Variants in PCDH9 observed in about 807,000 individuals in gnomAD.
PCDH9 encodes the protein protocadherin 9, also known as protocadherin-9.
In PCDH9, 24 loss-of-function variants were observed where a neutral mutation model predicts 70.6. That is an observed-to-expected ratio of 0.34 (90% CI 0.25 to 0.48). PCDH9 has a LOEUF of 0.48. PCDH9 is among the 20% of genes least tolerant of loss of function. The pLI, the probability that PCDH9 is intolerant of heterozygous loss-of-function variation, is 0.99. For synonymous variants in PCDH9, 562 were observed against 558.5 expected (o/e 1.01, Z -0.09); for missense variants, 1,281 against 1,503.6 (o/e 0.85, Z 2.45).
At chr13:66,446,966 A>G (rs920739546) in intron 4 of PCDH9, among the ~76,000 whole-genome samples, 6 of 152,076 alleles carry the variant, frequency 3.9e-5, no homozygotes, top group Non-Finnish European at 8.8e-5. Flanking sequence ...CTTTAAAATG[A>G]TAACTTTAAC....
At chr13:67,079,303 T>G (rs1456564380) in intron 2 of PCDH9, among the ~76,000 whole-genome samples, 1 of 152,128 alleles carries the variant, frequency 6.6e-6, no homozygotes, top group Admixed American at 6.5e-5. Context: ...AATCTATAAT[T>G]ATCTACCACT....
At chr13:67,140,910 G>C (rs971290125) in intron 2 of PCDH9, among the ~76,000 whole-genome samples, 1 of 151,918 alleles carries the variant, frequency 6.6e-6, no homozygotes, top group Admixed American at 6.6e-5. Flanking sequence ...TTCTTTCCTC[G>C]GTCAGTTTTA....
chr13:66,365,020 T>C (rs542344994), intron 4 of PCDH9, among the ~76,000 whole-genome samples: 2 of 152,324 alleles, frequency 1.3e-5, no homozygotes, highest in South Asian at 2.1e-4. Context: ...TCCTCAGAAA[T>C]ATTTTTATGA....
chr13:66,723,688 G>A (rs1379612736), intron 3 of PCDH9, among the ~76,000 whole-genome samples: 1 of 152,160 alleles, frequency 6.6e-6, no homozygotes, highest in African/African-American at 2.4e-5. Flanking sequence ...GGTAAAAGAG[G>A]TTGGGTAACA....
At chr13:66,649,838 G>C (rs950799123) in intron 3 of PCDH9, among the ~76,000 whole-genome samples, 3 of 151,836 alleles carry the variant, frequency 2.0e-5, no homozygotes, top group African/African-American at 7.3e-5. Flanking sequence ...TTAAAGTGTA[G>C]AGTTTTTATT....
At chr13:67,168,910 G>A (rs185871765) in intron 2 of PCDH9, among the ~76,000 whole-genome samples, 3 of 152,170 alleles carry the variant, frequency 2.0e-5, no homozygotes, top group East Asian at 1.9e-4. Context: ...TTTGAATGAC[G>A]GTATGTCACA....
At chr13:66,676,742 T>A (rs2139050103) in intron 3 of PCDH9, among the ~76,000 whole-genome samples, 1 of 152,236 alleles carries the variant, frequency 6.6e-6, no homozygotes, top group East Asian at 1.9e-4. Context: ...TAAATTCAAT[T>A]GTGTATTTAA....
At chr13:66,896,085 C>A (rs868503686) in intron 3 of PCDH9, among the ~76,000 whole-genome samples, 18 of 152,144 alleles carry the variant, frequency 1.2e-4, no homozygotes, top group African/African-American at 4.1e-4. Context: ...AAATGCGGCT[C>A]TTCCTGTGAA....
At chr13:66,585,070 G>A (rs936510461) in intron 4 of PCDH9, among the ~76,000 whole-genome samples, 2 of 151,918 alleles carry the variant, frequency 1.3e-5, no homozygotes, top group African/African-American at 4.8e-5. Flanking sequence ...AGGGACTGAG[G>A]TATGGGGGTT....
At position 67,027,788 on chromosome 13, in the gene PCDH9, C is replaced by T. The variant is rs1246657871; in HGVS notation, c.3037-124183G>A. Reference sequence around the variant, plus strand: ...TGAACAGACACTTCTCAAAAGAAGACATTTATGCAGCCAAAAGACACATGA... The same window carrying T: ...TGAACAGACACTTCTCAAAAGAAGATATTTATGCAGCCAAAAGACACATGA... On this transcript the variant is annotated intron_variant, in intron 2 of 4. Coordinates refer to ENST00000377865, the MANE Select transcript of PCDH9 (RefSeq NM_203487.3). Among the ~76,000 whole-genome samples, 7 of 150,274 alleles carry T rather than the reference C, an allele frequency of 4.7e-5. No individual in the cohort carries two copies. In the South Asian group the frequency reaches 1.3e-3, roughly 28 times the overall value.
At chr13:66,541,313 A>G (rs1352616330) in intron 4 of PCDH9, among the ~76,000 whole-genome samples, 1 of 152,164 alleles carries the variant, frequency 6.6e-6, no homozygotes, top group Non-Finnish European at 1.5e-5. Context: ...AGAAACCTCC[A>G]GGTGTTAAGA....
intron 2 of PCDH9, chr13:67,216,253 A>G (rs746499306): frequency 6.6e-6 from 1 of 152,108 alleles, no homozygotes; most frequent in Non-Finnish European, 1.5e-5. Context: ...CAATCAATGA[A>G]TTCAACATAT....
rs565871428 is a variant in PCDH9, at chr13:66,628,839, G to A, written c.3340+2371C>T. On this transcript the variant is annotated intron_variant, in intron 4 of 4. Coordinates refer to ENST00000377865, the MANE Select transcript of PCDH9 (RefSeq NM_203487.3). ...ATAACATAATTTTGCAATTTTTCCT[G>A]TACTCAGATACTTCTCAGTTGGCCC... Among the ~76,000 whole-genome samples the A allele has an allele frequency of 8.5e-5, 13 of 152,234 alleles. No individual in the cohort carries two copies. In the South Asian group the frequency reaches 2.3e-3, roughly 27 times the overall value.
chr13:66,303,900 T>A lies in PCDH9; in HGVS notation c.*755A>T, dbSNP rs554685006. 6.6e-6 allele frequency: 1 copy of A among 152,112 alleles called. No homozygotes were observed. Among genetic ancestry groups the A allele is most frequent in the African/African-American group, 2.4e-5 (1 of 41,538 alleles). The allele number at this position is 152,112 out of a possible 1,614,324, so 9.4% of individuals were successfully genotyped here. A position where few individuals can be genotyped will look rare whatever the true frequency, so the allele number is the denominator to read the frequency against. ...TAAGCTATCATATGAGAAGCAAGAT[T>A]TCAGAACCTTTTTTAAACACAAGTG... On this transcript the variant is annotated 3_prime_UTR_variant, in exon 5 of 5. Transcript: ENST00000377865.
chr13:66,927,461 T>G (rs1219870285), intron 2 of PCDH9, among the ~76,000 whole-genome samples: 1 of 151,982 alleles, frequency 6.6e-6, no homozygotes, highest in Non-Finnish European at 1.5e-5. Context: ...AATACCTGGG[T>G]GATGAAATAA....
At chr13:66,871,009 C>A (rs1322640066) in intron 3 of PCDH9, among the ~76,000 whole-genome samples, 1 of 152,018 alleles carries the variant, frequency 6.6e-6, no homozygotes, top group Non-Finnish European at 1.5e-5. Flanking sequence ...CAATGATAGG[C>A]TGGATTAAGA....
chr13:66,829,680 T>G (rs1217044140), intron 3 of PCDH9, among the ~76,000 whole-genome samples: 1 of 115,606 alleles, frequency 8.7e-6, no homozygotes, highest in Non-Finnish European at 1.6e-5. Flanking sequence ...ATCGCGCCAC[T>G]GCACTCCAGC....
At chr13:66,864,572 G>C (rs937981550) in intron 3 of PCDH9, among the ~76,000 whole-genome samples, 8 of 152,154 alleles carry the variant, frequency 5.3e-5, no homozygotes, top group African/African-American at 1.9e-4. Context: ...TGGACATTTA[G>C]AATGTTTGCT....
At chr13:67,180,758 G>A (rs554186814) in intron 2 of PCDH9, among the ~76,000 whole-genome samples, 1 of 152,228 alleles carries the variant, frequency 6.6e-6, no homozygotes, top group South Asian at 2.1e-4. Context: ...AGATTGGGAA[G>A]ATTAGGTCAA....
Sources: gnomAD v4.1 joint callset for allele counts (sites outside exome capture counted in the v4.1 genomes callset) on GRCh38, gnomAD v4.1.1 for gene constraint, MANE v1.5 for transcripts, NCBI Gene and HGNC (gene_info 2026-07-23, HGNC 2026-07-21) for gene names.